The following RANBP17 variants were observed in gnomAD, a reference collection of about 807,000 sequenced individuals.
RANBP17 encodes the protein ran-binding protein 17.
In RANBP17, 158 loss-of-function variants were observed where a neutral mutation model predicts 141.2. The observed-to-expected ratio is 1.12, with a 90% CI of 0.98 to 1.28. The LOEUF is 1.28. RANBP17 is among the 50% of genes most tolerant of loss of function. The pLI is 0.00. For synonymous variants in RANBP17, 430 were observed against 450.0 expected, an observed-to-expected ratio of 0.96 and a Z score of 0.56; for missense variants, 1,438 against 1,290.7, an observed-to-expected ratio of 1.11 and a Z score of -1.75.
chr5:171,149,822 A>G (rs1308884039), intron 14 of RANBP17, among the ~76,000 whole-genome samples: 1 of 152,242 alleles, frequency 6.6e-6, no homozygotes, highest in Non-Finnish European at 1.5e-5. Flanking sequence ...TTCTAAGATT[A>G]AAATAGTGAG....
At chr5:171,118,740 A>G (rs1380487663) in intron 14 of RANBP17, among the ~76,000 whole-genome samples, 2 of 152,198 alleles carry the variant, frequency 1.3e-5, no homozygotes, top group African/African-American at 2.4e-5. Context: ...TTCATTGTGT[A>G]TAGAAATGCT....
intron 14 of RANBP17, among the ~76,000 whole-genome samples, chr5:171,112,458 T>G (rs968477248): frequency 6.6e-6 from 1 of 151,938 alleles, no homozygotes; most frequent in South Asian, 2.1e-4. Context: ...AAAGTAAGAT[T>G]ATACCATGGA....
intron 12 of RANBP17, among the ~76,000 whole-genome samples, chr5:170,937,362 ACT>A (rs1773967195): frequency 6.6e-6 from 1 of 151,578 alleles, no homozygotes; most frequent in Non-Finnish European, 1.5e-5. Flanking sequence ...TTGGGGTGTA[ACT>A]CTTTGCATCA....
chr5:171,048,904 T>C (rs1426859151), intron 14 of RANBP17, among the ~76,000 whole-genome samples: 1 of 152,188 alleles, frequency 6.6e-6, no homozygotes, highest in East Asian at 1.9e-4. Flanking sequence ...GTTGATATGC[T>C]TGTCTTTGTT....
chr5:171,032,900 GAAAATA>G (rs1781640643), intron 14 of RANBP17, among the ~76,000 whole-genome samples: 1 of 152,066 alleles, frequency 6.6e-6, no homozygotes, highest in African/African-American at 2.4e-5. Flanking sequence ...AACTTATGAG[GAAAATA>G]AACTTGGCAG....
chr5:171,057,473 T>TA (rs1783475697), intron 14 of RANBP17, among the ~76,000 whole-genome samples: 1 of 151,326 alleles, frequency 6.6e-6, no homozygotes, highest in South Asian at 2.1e-4. Flanking sequence ...TTTCAATACA[T>TA]AGAGTTCCTC....
intron 14 of RANBP17, among the ~76,000 whole-genome samples, chr5:171,124,973 C>G (rs1756323199): frequency 6.6e-6 from 1 of 152,174 alleles, no homozygotes; most frequent in East Asian, 1.9e-4. Flanking sequence ...ACAAGTAACT[C>G]ACTTTGCCTG....
intron 14 of RANBP17, among the ~76,000 whole-genome samples, chr5:171,075,646 T>TAA (rs1326908070): frequency 6.6e-6 from 1 of 152,148 alleles, no homozygotes; most frequent in African/African-American, 2.4e-5. Flanking sequence ...GTGAATATAC[T>TAA]AAAAGTCACT....
At chr5:171,028,822 C>A in intron 14 of RANBP17, 1 of 905,920 alleles carries the variant, frequency 1.1e-6, no homozygotes, top group Non-Finnish European at 1.6e-6. Context: ...AAGGAGAATT[C>A]ATCCACTGCC....
At chr5:171,236,907 A>G (rs1428845213) in intron 22 of RANBP17, among the ~76,000 whole-genome samples, 1 of 152,170 alleles carries the variant, frequency 6.6e-6, no homozygotes, top group African/African-American at 2.4e-5. Flanking sequence ...CTTCTGTACT[A>G]TATGTTTATC....
At position 171,183,336 on chromosome 5, in the gene RANBP17, T is replaced by C; in HGVS notation, c.1944T>C (p.Pro648=). The part of the protein sequence containing the change: ...MLKNHTSEHF[P]FLGISDNHSL... ...GCTTTCATTAGAGTGAACACTTCCC[T>C]TTTCTTGGCATCAGTGACAATCATA... Residue 648 remains proline (P), a synonymous_variant, in exon 18 of 28, where the codon CCT becomes CCC. Coordinates refer to ENST00000523189, the MANE Select transcript of RANBP17 (RefSeq NM_022897.5). 1.2e-6 allele frequency: 2 copies of C among 1,613,836 alleles called. No individual in the cohort carries two copies. Among genetic ancestry groups the C allele is most frequent in the Non-Finnish European group, 1.7e-6 (2 of 1,179,694 alleles).
At chr5:171,191,807 T>G (rs1023967732) in intron 18 of RANBP17, among the ~76,000 whole-genome samples, 1 of 152,238 alleles carries the variant, frequency 6.6e-6, no homozygotes, top group East Asian at 1.9e-4. Context: ...AAACTATTAC[T>G]TCATCTTTCA....
At chr5:171,262,019 C>G (rs139640971) in intron 24 of RANBP17, among the ~76,000 whole-genome samples, 1 of 152,138 alleles carries the variant, frequency 6.6e-6, no homozygotes, top group Non-Finnish European at 1.5e-5. Flanking sequence ...GCTTTTATTG[C>G]GAGGATATAT....
chr5:170,884,538 A>G (rs1768986583), intron 3 of RANBP17, among the ~76,000 whole-genome samples: 1 of 152,096 alleles, frequency 6.6e-6, no homozygotes, highest in South Asian at 2.1e-4. Flanking sequence ...CATCATTTTC[A>G]CATTGAGTAG....
chr5:171,083,591 T>C (rs1785400261), intron 14 of RANBP17, among the ~76,000 whole-genome samples: 1 of 152,164 alleles, frequency 6.6e-6, no homozygotes, highest in African/African-American at 2.4e-5. Context: ...CTCTGTTCAG[T>C]CAAGGATGGA....
chr5:171,067,890 T>C (rs1784402457), intron 14 of RANBP17, among the ~76,000 whole-genome samples: 1 of 152,122 alleles, frequency 6.6e-6, no homozygotes, highest in South Asian at 2.1e-4. Flanking sequence ...TTCAATTCAC[T>C]GAGCTTCTGG....
At chr5:171,062,885 C>G (rs556375018) in intron 14 of RANBP17, among the ~76,000 whole-genome samples, 51 of 152,090 alleles carry the variant, frequency 3.4e-4, no homozygotes, top group African/African-American at 1.2e-3. Context: ...CTCTAAACTT[C>G]CCTTCTCACT....
At chr5:170,890,443 T>C (rs1319390053) in intron 3 of RANBP17, among the ~76,000 whole-genome samples, 6 of 152,112 alleles carry the variant, frequency 3.9e-5, no homozygotes, top group Non-Finnish European at 2.9e-5. Flanking sequence ...ACTATTTTAA[T>C]ATTAATAAAA....
chr5:171,058,396 G>A (rs1317011459), intron 14 of RANBP17, among the ~76,000 whole-genome samples: 2 of 145,238 alleles, frequency 1.4e-5, no homozygotes, highest in African/African-American at 5.1e-5. Flanking sequence ...CCGCCCATGA[G>A]TGAGAACATG....
Sources: gnomAD v4.1 joint callset for allele counts (sites outside exome capture counted in the v4.1 genomes callset) on GRCh38, gnomAD v4.1.1 for gene constraint, MANE v1.5 for transcripts, NCBI Gene and HGNC (gene_info 2026-07-23, HGNC 2026-07-21) for gene names.